Variants in TAFA3 observed in about 807,000 individuals in gnomAD.
TAFA3 encodes TAFA chemokine like family member 3.
Under a neutral mutation model 20.7 loss-of-function variants are expected in TAFA3, and 17 were observed. The observed-to-expected ratio is 0.82, with a 90% CI of 0.56 to 1.23. TAFA3 has a LOEUF of 1.23. Among genes scored for constraint, TAFA3 ranks in the 50% most tolerant of loss-of-function variants. The pLI, the probability that TAFA3 is intolerant of heterozygous loss-of-function variation, is 0.00. For missense variants in TAFA3, 174 were observed against 172.8 expected (o/e 1.01, Z -0.04); for synonymous variants, 74 against 71.8 (o/e 1.03, Z -0.16).
At chr1:112,722,849 CTG>C (rs1279325639) in intron 3 of TAFA3, among the ~76,000 whole-genome samples, 165 bp from the exon 4 acceptor site, 1 of 151,942 alleles carries the variant, frequency 6.6e-6, no homozygotes, top group East Asian at 1.9e-4. Context: ...AATAGGAGCT[CTG>C]TGAAGCGGCG....
At chr1:112,726,191 G>C (rs986286273) in intron 5 of TAFA3, among the ~76,000 whole-genome samples, 1 of 152,156 alleles carries the variant, frequency 6.6e-6, no homozygotes, top group African/African-American at 2.4e-5. Context: ...TTTGGCTTCT[G>C]AAGAGAGCAA....
intron 4 of TAFA3, 50 bp from the exon 5 acceptor site, chr1:112,723,962 CA>C (rs749113074): frequency 8.7e-6 from 14 of 1,613,578 alleles, no homozygotes; most frequent in Non-Finnish European, 1.2e-5. Context: ...CTTGGCTGCC[CA>C]CTGTGCTCGT....
chr1:112,719,204 TC>T lies in TAFA3; in HGVS notation c.-152del, dbSNP rs1481213607. ...GACAGCACCCAAGCTGGCCGCTCCCTCCCAAAGTCTGTCTTTCGGAGTGCTG... is the reference window on the plus strand; with the variant it reads ...GACAGCACCCAAGCTGGCCGCTCCCTCCAAAGTCTGTCTTTCGGAGTGCTG... On this transcript the variant is annotated 5_prime_UTR_variant, in exon 1 of 6. Transcript: ENST00000361886. 2.6e-5 allele frequency among the ~76,000 whole-genome samples: 4 copies of T among 152,172 alleles called. No homozygotes were observed. The highest frequency in any genetic ancestry group is 5.9e-5 in the Non-Finnish European group (4 of 68,014).
Position 112,726,707 on chromosome 1 carries a change from T to C in TAFA3, c.*67T>C, listed in dbSNP as rs779766091. On this transcript the variant is annotated 3_prime_UTR_variant, in exon 6 of 6. Transcript: ENST00000361886. ...CCGTGAACTGAAGAATGGTATCCAG[T>C]CATCAGCCAGGAAAGATGGGGATTC... The C allele has an allele frequency of 5.6e-6, 9 of 1,612,924 alleles. No individual in the cohort carries two copies. In the Admixed American group the frequency reaches 1.5e-4, roughly 27 times the overall value.
At chr1:112,725,405 A>AAAC (rs1553192311) in intron 5 of TAFA3, among the ~76,000 whole-genome samples, 20 of 141,406 alleles carry the variant, frequency 1.4e-4, no homozygotes, top group African/African-American at 2.3e-4. Flanking sequence ...TAAAAAAAAA[A>AAAC]AAAAAAAAAA....
chr1:112,719,173 G>A lies in TAFA3; in HGVS notation c.-186G>A, dbSNP rs1675271792. Among the ~76,000 whole-genome samples the A allele has an allele frequency of 6.6e-6, 1 of 152,226 alleles. No individual in the cohort carries two copies. The highest frequency in any genetic ancestry group is 1.5e-5 in the Non-Finnish European group (1 of 68,022). On this transcript the variant is annotated 5_prime_UTR_variant, in exon 1 of 6. Transcript: ENST00000361886. ...AACTTGGTGAAGGGGACAGGGCTCC[G>A]GACTAGACAGCACCCAAGCTGGCCG...
chr1:112,722,448 C>T (rs914187544), intron 3 of TAFA3, 100 bp downstream of exon 3: 3 of 1,008,344 alleles, frequency 3.0e-6, no homozygotes, highest in Admixed American at 4.4e-5. Context: ...GTCTCCCAGG[C>T]AGAGTAAAAT....
intron 1 of TAFA3, among the ~76,000 whole-genome samples, chr1:112,719,656 T>C (rs1675283210): frequency 6.6e-6 from 1 of 151,910 alleles, no homozygotes; most frequent in Admixed American, 6.6e-5. Flanking sequence ...CTAGGAGAGA[T>C]GCCTGAGTTG....
intron 1 of TAFA3, among the ~76,000 whole-genome samples, chr1:112,719,677 T>C (rs1675283835): frequency 6.6e-6 from 1 of 151,988 alleles, no homozygotes. Flanking sequence ...GATTGGAGGA[T>C]GTTGCAGCTC....
Position 112,723,039 on chromosome 1 carries a change from G to T in TAFA3, c.139G>T (p.Glu47Ter). 1 of 1,612,854 alleles carries T rather than the reference G, an allele frequency of 6.2e-7. No individual in the cohort carries two copies. Among genetic ancestry groups the T allele is most frequent in the Non-Finnish European group, 8.5e-7 (1 of 1,179,584 alleles). Residue 47 changes from glutamate (E) to a stop codon, truncating the protein, a stop_gained, in exon 4 of 6, where the codon GAG (glutamate) becomes TAG (stop). Transcript: ENST00000361886. LOFTEE classifies it high-confidence loss of function. ...ATVLVQQGTC[E>*]VIAAHRCCNR... is the part of the protein sequence containing the mutation. Reference sequence around the variant, plus strand: ...AGTGCTTGTGCAGCAGGGCACCTGCGAGGTGATTGCGGCTCACCGCTGCTG... The same window carrying T: ...AGTGCTTGTGCAGCAGGGCACCTGCTAGGTGATTGCGGCTCACCGCTGCTG...
At chr1:112,721,710 TA>T (rs1198712227) in intron 2 of TAFA3, among the ~76,000 whole-genome samples, 1 of 152,238 alleles carries the variant, frequency 6.6e-6, no homozygotes, top group East Asian at 1.9e-4. Context: ...TGTCAGGACA[TA>T]AAGCAATTCC....
At chr1:112,722,127 CCTCCCCATCTTTGTGCCTCCCAGAG>C in intron 2 of TAFA3, 81 bp from the exon 3 acceptor site, 1 of 1,148,930 alleles carries the variant, frequency 8.7e-7, no homozygotes, top group Non-Finnish European at 1.3e-6. Flanking sequence ...AGGTGTGCCT[CCTCCCCATCTTTGTGCCTCCCAGAG>C]TGTGTGGCAC....
chr1:112,726,973 C>T lies in TAFA3; in HGVS notation c.*333C>T, dbSNP rs1570857509. 1 of 332,154 alleles carries T rather than the reference C, an allele frequency of 3.0e-6. No individual in the cohort carries two copies. Among genetic ancestry groups the T allele is most frequent in the Non-Finnish European group, 5.6e-6 (1 of 178,388 alleles). 20.6% of individuals were successfully genotyped at this position (332,154 alleles called of 1,614,324 possible). A position where few individuals can be genotyped will look rare whatever the true frequency, so the allele number is the denominator to read the frequency against. On this transcript the variant is annotated 3_prime_UTR_variant, in exon 6 of 6. Coordinates refer to ENST00000361886, the MANE Select transcript of TAFA3 (RefSeq NM_182759.3). ...TTGATACCAGACTGCGGCTTCTGGG[C>T]CACATGCTATGGCATGATGGGGGTT...
At position 112,724,066 on chromosome 1, in the gene TAFA3, G is replaced by A. The variant is rs921907904; in HGVS notation, c.319G>A (p.Glu107Lys). The change falls in exon 5 of 6, where the codon GAG (glutamate) becomes AAG (lysine). Residue 107 changes from glutamate to lysine, a missense_variant. Glu to Lys is a moderately conservative substitution (Grantham distance 56). Transcript: ENST00000361886. ...TCAGATGGAGCCCTGCCTGCCGGGGGAGGAGTGTAAGGTGCTCCCGGACCT... is the reference window on the plus strand; with the variant it reads ...TCAGATGGAGCCCTGCCTGCCGGGGAAGGAGTGTAAGGTGCTCCCGGACCT... The part of the protein sequence containing the change: ...WCQMEPCLPG[E>K]ECKVLPDLSG... The A allele has an allele frequency of 6.2e-7, 1 of 1,613,796 alleles. No individual in the cohort carries two copies. Among genetic ancestry groups the A allele is most frequent in the Non-Finnish European group, 8.5e-7 (1 of 1,179,980 alleles).
At chr1:112,720,191 A>C (rs1675296776) in intron 1 of TAFA3, among the ~76,000 whole-genome samples, 1 of 151,956 alleles carries the variant, frequency 6.6e-6, no homozygotes, top group African/African-American at 2.4e-5. Context: ...GGTATCTCCC[A>C]CGTGCCTCTT....
intron 5 of TAFA3, among the ~76,000 whole-genome samples, chr1:112,725,146 C>T (rs981409721): frequency 3.3e-5 from 5 of 152,078 alleles, no homozygotes; most frequent in African/African-American, 2.4e-5. Flanking sequence ...AATCAAATAC[C>T]ACATGTTCTC....
At chr1:112,723,502 ACTCTC>A (rs1179674836) in intron 4 of TAFA3, among the ~76,000 whole-genome samples, 1 of 150,796 alleles carries the variant, frequency 6.6e-6, no homozygotes, top group African/African-American at 2.4e-5. Context: ...GTCTCAGCCT[ACTCTC>A]CTCTCCTTCT....
intron 2 of TAFA3, among the ~76,000 whole-genome samples, chr1:112,721,724 A>C (rs1675333704): frequency 6.6e-6 from 1 of 152,054 alleles, no homozygotes; most frequent in African/African-American, 2.4e-5. Flanking sequence ...GCAATTCCCC[A>C]TTGGTTTTTT....
chr1:112,720,980 G>A (rs941434166), intron 2 of TAFA3, among the ~76,000 whole-genome samples: 2 of 152,210 alleles, frequency 1.3e-5, no homozygotes, highest in East Asian at 3.9e-4. Flanking sequence ...AGAGAACAGA[G>A]GCAAGGTGGT....
Sources: gnomAD v4.1 joint callset for allele counts (sites outside exome capture counted in the v4.1 genomes callset) on GRCh38, gnomAD v4.1.1 for gene constraint, MANE v1.5 for transcripts, NCBI Gene and HGNC (gene_info 2026-07-23, HGNC 2026-07-21) for gene names.